The following SLC5A4 variants were observed in gnomAD, a reference collection of about 807,000 sequenced individuals.
SLC5A4 encodes solute carrier family 5 member 4.
SLC5A4 carries 55 observed loss-of-function variants against 70.3 expected under a neutral mutation model. The ratio of observed to expected loss-of-function variants is 0.78; its 90% CI spans 0.63 to 0.98. The LOEUF (loss-of-function observed/expected upper bound fraction) is 0.98. Among genes scored for constraint, SLC5A4 ranks in the 50% least tolerant of loss-of-function variants. SLC5A4 has a pLI of 0.00. For synonymous variants in SLC5A4, 268 were observed against 305.7 expected (o/e 0.88, Z 1.29); for missense variants, 735 against 839.2 (o/e 0.88, Z 1.53).
rs117767958 is a variant in SLC5A4 at position 32,254,304 on chromosome 22, C to T, written c.136-91G>A. ...CTGGCCAGGGTGCTGAGAGGGGTGA[C>T]TTCAGCACTCCTACAGAGAGAAACA... is the stretch of plus-strand genomic sequence containing the variant. On this transcript the variant is annotated intron_variant, in intron 1 of 14. Transcript: ENST00000266086. 3,550 of 842,022 alleles carry T rather than the reference C, an allele frequency of 4.2e-3. 109 individuals carry two copies. The East Asian group carries it at 0.068, about 16-fold the overall frequency. The allele number at this position is 842,022 out of a possible 1,614,324, so 52.2% of individuals were successfully genotyped here. A position where few individuals can be genotyped will look rare whatever the true frequency, so the allele number is the denominator to read the frequency against.
At chr22:32,305,755 C>T in the SLC5A4 span, among the ~76,000 whole-genome samples, 656 of 151,238 alleles carry the variant, frequency 4.3e-3, 26 homozygotes, top group African/African-American at 0.015. Context: ...CCCTTGCCTA[C>T]GAGATGAGAA....
At chr22:32,231,201 A>G in intron 9 of SLC5A4, 126 bp from the exon 10 acceptor site, 1 of 671,736 alleles carries the variant, frequency 1.5e-6, no homozygotes, top group Non-Finnish European at 2.7e-6. Flanking sequence ...TGGAGATTCA[A>G]TTTTGAACTC....
the SLC5A4 span, among the ~76,000 whole-genome samples, chr22:32,319,550 T>C: frequency 6.6e-6 from 1 of 152,188 alleles, no homozygotes; most frequent in Admixed American, 6.5e-5. Context: ...TTCCTCAACC[T>C]GCATAGCTGC....
the SLC5A4 span, among the ~76,000 whole-genome samples, chr22:32,261,051 T>C: frequency 0.038 from 5,600 of 148,106 alleles, 200 homozygotes; most frequent in African/African-American, 0.1. Flanking sequence ...CCAGCCTGGG[T>C]GACAGGGCAA....
At position 32,254,214 on chromosome 22, in the gene SLC5A4, CT is replaced by C. The variant is rs767009561; in HGVS notation, c.136-2del. 2 of 1,612,834 alleles carry C rather than the reference CT, an allele frequency of 1.2e-6. No homozygotes were observed. Among genetic ancestry groups the C allele is most frequent in the South Asian group, 2.2e-5 (2 of 91,054 alleles). On this transcript the variant is annotated splice_acceptor_variant, in intron 1 of 14. Transcript: ENST00000266086. LOFTEE classifies it high-confidence loss of function. ...TACCTCGGTTGGTCTTCAGCATCGC[CT>C]GAGCAGAAGGGAAGACAGGTGAGGG...
the SLC5A4 span, among the ~76,000 whole-genome samples, chr22:32,308,010 T>C: frequency 6.6e-6 from 1 of 152,200 alleles, no homozygotes; most frequent in Non-Finnish European, 1.5e-5. Flanking sequence ...TGGGTGGCCC[T>C]TCAACATTGA....
At chr22:32,223,053 T>C (rs753187740) in intron 13 of SLC5A4, among the ~76,000 whole-genome samples, 1 of 152,128 alleles carries the variant, frequency 6.6e-6, no homozygotes, top group Non-Finnish European at 1.5e-5. Flanking sequence ...CTATTATACA[T>C]TATTATATTA....
At chr22:32,224,135 T>C (rs1036387745) in intron 13 of SLC5A4, 132 bp downstream of exon 13, 1 of 662,692 alleles carries the variant, frequency 1.5e-6, no homozygotes, top group South Asian at 1.8e-5. Flanking sequence ...TTAACCAGGA[T>C]GGTCTCCATC....
At chr22:32,260,498 A>AT in the SLC5A4 span, among the ~76,000 whole-genome samples, 1 of 146,928 alleles carries the variant, frequency 6.8e-6, no homozygotes, top group African/African-American at 2.6e-5. Flanking sequence ...CCCAGCTGCC[A>AT]TTTTGGTGAC....
the SLC5A4 span, chr22:32,271,352 G>C: frequency 2.7e-6 from 2 of 735,130 alleles, no homozygotes; most frequent in Non-Finnish European, 4.9e-6. Context: ...AGGAGGTGCT[G>C]CTGGTTGTGC....
Position 32,237,336 on chromosome 22 carries a change from A to G in SLC5A4, c.584-12T>C, listed in dbSNP as rs1471379976. 2.5e-6 allele frequency: 4 copies of G among 1,572,146 alleles called. No individual in the cohort carries two copies. Among genetic ancestry groups the G allele is most frequent in the Non-Finnish European group, 3.5e-6 (4 of 1,157,268 alleles). On this transcript the variant is annotated splice_polypyrimidine_tract_variant and intron_variant, in intron 6 of 14. Coordinates refer to ENST00000266086, the MANE Select transcript of SLC5A4 (RefSeq NM_014227.3). The stretch of plus-strand genomic sequence containing the variant: ...CGAGGCCAAGCCCCCTAGTGAGAGA[A>G]AGAAAAGAACCAGGGCATTTTATCC...
At chr22:32,322,081 C>A in the SLC5A4 span, among the ~76,000 whole-genome samples, 3 of 152,286 alleles carry the variant, frequency 2.0e-5, no homozygotes, top group East Asian at 5.8e-4. Context: ...GGACCCATCA[C>A]AGCCACTGAT....
chr22:32,283,438 T>C, the SLC5A4 span, among the ~76,000 whole-genome samples: 4 of 152,348 alleles, frequency 2.6e-5, no homozygotes, highest in East Asian at 5.8e-4. Flanking sequence ...AAAGTTGAAT[T>C]TGCACCATTA....
chr22:32,324,391 T>C, the SLC5A4 span, among the ~76,000 whole-genome samples: 1 of 152,114 alleles, frequency 6.6e-6, no homozygotes, highest in Non-Finnish European at 1.5e-5. Context: ...GGGTAAAATT[T>C]TGATGTCTTA....
chr22:32,237,027 A>C (rs1488430578), intron 7 of SLC5A4, among the ~76,000 whole-genome samples: 1 of 152,150 alleles, frequency 6.6e-6, no homozygotes, highest in African/African-American at 2.4e-5. Context: ...TTTTAAAAGA[A>C]AGTGATGTTC....
chr22:32,329,896 TG>T, the SLC5A4 span, among the ~76,000 whole-genome samples: 2 of 30,108 alleles, frequency 6.6e-5, no homozygotes, highest in African/African-American at 3.5e-4. Flanking sequence ...GTGTATGTGT[TG>T]GGAGGCTCTG....
chr22:32,354,805 A>AGT, the SLC5A4 span: 3 of 152,022 alleles, frequency 2.0e-5, no homozygotes, highest in East Asian at 5.8e-4. Flanking sequence ...CGCCACAGGC[A>AGT]GTACGGCCTG....
chr22:32,333,979 C>T, the SLC5A4 span, among the ~76,000 whole-genome samples: 1 of 147,044 alleles, frequency 6.8e-6, no homozygotes, highest in African/African-American at 2.5e-5. Context: ...TACACACACA[C>T]CATGCAACAC....
the SLC5A4 span, among the ~76,000 whole-genome samples, chr22:32,353,284 C>A: frequency 2.0e-5 from 3 of 152,086 alleles, no homozygotes; most frequent in East Asian, 5.8e-4. Context: ...CCCAGCCAGC[C>A]CTCCCAACCC....
Sources: gnomAD v4.1 joint callset for allele counts (sites outside exome capture counted in the v4.1 genomes callset) on GRCh38, gnomAD v4.1.1 for gene constraint, MANE v1.5 for transcripts, NCBI Gene and HGNC (gene_info 2026-07-23, HGNC 2026-07-21) for gene names.